ALG11: variants seen among roughly 807,000 people sequenced by gnomAD.
The protein encoded by ALG11 is ALG11 alpha-1,2-mannosyltransferase, also known as GDP-Man:Man(3)GlcNAc(2)-PP-Dol alpha-1,2-mannosyltransferase.
Under a neutral mutation model 38.8 loss-of-function variants are expected in ALG11, and 26 were observed. The observed-to-expected ratio is 0.67, with a 90% CI of 0.49 to 0.93. The LOEUF is 0.93. ALG11 is among the 40% of genes least tolerant of loss of function. The probability of loss-of-function intolerance (pLI) is 0.00; values close to 1 mark genes in which losing one functional copy is unlikely to be tolerated. For synonymous variants in ALG11, 199 were observed against 211.6 expected (o/e 0.94, Z 0.52); for missense variants, 535 against 578.8 (o/e 0.92, Z 0.78).
At position 52,030,164 on chromosome 13, in the gene ALG11, G is replaced by T. The variant is rs765281662; in HGVS notation, c.*1574G>T. 1 of 1,614,238 alleles carries T rather than the reference G, an allele frequency of 6.2e-7. No individual in the cohort carries two copies. The highest frequency in any genetic ancestry group is 1.7e-5 in the Admixed American group (1 of 60,020). The stretch of plus-strand genomic sequence containing the variant: ...AACAAAAGATTCTAGCAGCCAGGAG[G>T]TGCTGTCCGAATTGAGGGCACTATC... On this transcript the variant is annotated 3_prime_UTR_variant, in exon 4 of 4. Transcript: ENST00000521508.
Position 52,030,500 on chromosome 13 carries a change from C to T in ALG11, c.*1910C>T, listed in dbSNP as rs1455177536. The T allele has an allele frequency of 6.2e-7, 1 of 1,614,232 alleles. No homozygotes were observed. Among genetic ancestry groups the T allele is most frequent in the Non-Finnish European group, 8.5e-7 (1 of 1,180,040 alleles). On this transcript the variant is annotated 3_prime_UTR_variant, in exon 4 of 4. Coordinates refer to ENST00000521508, the MANE Select transcript of ALG11 (RefSeq NM_001004127.3). ...CAACCTACAGAACTTCCTGACCACACAGTCTCCTTCCGTGAGGTCTTTGGC... is the reference window on the plus strand; with the variant it reads ...CAACCTACAGAACTTCCTGACCACATAGTCTCCTTCCGTGAGGTCTTTGGC...
rs1431111423 is a variant in ALG11 at position 52,024,238 on chromosome 13, G to A, written c.508G>A (p.Asp170Asn). ...GGAAGCTCTAATGCAGTGTGTTCCT[G>A]ATGTTTACATTGATTCAATGGGATA... ...GWEALMQCVP[D>N]VYIDSMGYAF... The change falls in exon 3 of 4, where the codon GAT becomes AAT. Residue 170 changes from aspartate to asparagine, a missense_variant. Coordinates refer to ENST00000521508, the MANE Select transcript of ALG11 (RefSeq NM_001004127.3). The A allele has an allele frequency of 6.2e-7, 1 of 1,614,006 alleles. No individual in the cohort carries two copies. Among genetic ancestry groups the A allele is most frequent in the Non-Finnish European group, 8.5e-7 (1 of 1,180,026 alleles).
Position 52,029,097 on chromosome 13 carries a change from C to G in ALG11, c.*507C>G. On this transcript the variant is annotated 3_prime_UTR_variant, in exon 4 of 4. Coordinates refer to ENST00000521508, the MANE Select transcript of ALG11 (RefSeq NM_001004127.3). ...CTTGAGCCCGTTAAAACTTCATCTT[C>G]TTTGGCCACTGTAAAAAAGCAACTG... The G allele has an allele frequency of 6.2e-7, 1 of 1,614,222 alleles. No homozygotes were observed.
Position 52,033,506 on chromosome 13 carries a change from A to G in ALG11, c.*4916A>G, listed in dbSNP as rs1339318722. On this transcript the variant is annotated 3_prime_UTR_variant, in exon 4 of 4. Coordinates refer to ENST00000521508, the MANE Select transcript of ALG11 (RefSeq NM_001004127.3). ...GTGTGGTGCCTTTTATATGCCTCAC[A>G]TAGTCTCCTTGTTCTCCTACTAATA... 1 of 167,092 alleles carries G rather than the reference A, an allele frequency of 6.0e-6. No individual in the cohort carries two copies. Among genetic ancestry groups the G allele is most frequent in the Non-Finnish European group, 1.5e-5 (1 of 68,118 alleles). The allele number at this position is 167,092 out of a possible 1,614,324, so 10.4% of individuals were successfully genotyped here.
chr13:52,025,354 C>T lies in ALG11; in HGVS notation c.1207+417C>T, dbSNP rs530261553. 1.1e-4 allele frequency among the ~76,000 whole-genome samples: 16 copies of T among 152,318 alleles called. 1 individual carries two copies. In the South Asian group the frequency reaches 2.9e-3, roughly 28 times the overall value. On this transcript the variant is annotated intron_variant, in intron 3 of 3. Coordinates refer to ENST00000521508, the MANE Select transcript of ALG11 (RefSeq NM_001004127.3). The stretch of plus-strand genomic sequence containing the variant: ...TAACAGCAACATTTTCTCTCTCCAT[C>T]TAACCCCACTACATACTTACTGGTA...
rs757754000 is a variant in ALG11 at position 52,030,652 on chromosome 13, G to A, written c.*2062G>A. 1 of 1,614,114 alleles carries A rather than the reference G, an allele frequency of 6.2e-7. No homozygotes were observed. Among genetic ancestry groups the A allele is most frequent in the Non-Finnish European group, 8.5e-7 (1 of 1,180,052 alleles). Reference sequence around the variant, plus strand: ...TGAAAGAGAAGAGGGAAGCTGTGGAGGCGAGTAAGCCAAAGGACGTGGACC... The same window carrying A: ...TGAAAGAGAAGAGGGAAGCTGTGGAAGCGAGTAAGCCAAAGGACGTGGACC... On this transcript the variant is annotated 3_prime_UTR_variant, in exon 4 of 4. Coordinates refer to ENST00000521508, the MANE Select transcript of ALG11 (RefSeq NM_001004127.3).
chr13:52,013,621 A>G (rs1002690095), intron 1 of ALG11, among the ~76,000 whole-genome samples: 1 of 152,172 alleles, frequency 6.6e-6, no homozygotes, highest in African/African-American at 2.4e-5. Flanking sequence ...TGCCAGAAAA[A>G]CCTTTACATT....
chr13:52,031,086 A>G lies in ALG11; in HGVS notation c.*2496A>G. 1 of 1,611,620 alleles carries G rather than the reference A, an allele frequency of 6.2e-7. No homozygotes were observed. The highest frequency in any genetic ancestry group is 8.5e-7 in the Non-Finnish European group (1 of 1,178,750). ...CCAAAACGAATCACCACACGTCACA[A>G]TAAAGAAGAAAAACTGTAGGTTGTG... On this transcript the variant is annotated 3_prime_UTR_variant, in exon 4 of 4. Transcript: ENST00000521508.
At chr13:52,015,347 A>G (rs961379162) in intron 1 of ALG11, among the ~76,000 whole-genome samples, 1 of 152,200 alleles carries the variant, frequency 6.6e-6, no homozygotes, top group Non-Finnish European at 1.5e-5. Context: ...TTGGGGCTGC[A>G]GTGATTGCTA....
intron 2 of ALG11, chr13:52,022,943 G>GT (rs1482480702): frequency 6.6e-6 from 1 of 152,192 alleles, no homozygotes; most frequent in Non-Finnish European, 1.5e-5. Context: ...GATTACAGGC[G>GT]TGAGCCACTG....
rs1954309960 is a variant in ALG11 at position 52,031,902 on chromosome 13, A to C, written c.*3312A>C. The stretch of plus-strand genomic sequence containing the variant: ...ACCTTTTAGAGTTGGAATGAGATGG[A>C]AAGTAGATGAAACTACTTTGAAAAT... On this transcript the variant is annotated 3_prime_UTR_variant, in exon 4 of 4. Coordinates refer to ENST00000521508, the MANE Select transcript of ALG11 (RefSeq NM_001004127.3). 6.0e-6 allele frequency: 1 copy of C among 167,068 alleles called. No homozygotes were observed. Among genetic ancestry groups the C allele is most frequent in the African/African-American group, 2.4e-5 (1 of 41,438 alleles). The allele number at this position is 167,068 out of a possible 1,614,324, so 10.3% of individuals were successfully genotyped here. A position where few individuals can be genotyped will look rare whatever the true frequency, so the allele number is the denominator to read the frequency against.
chr13:52,019,478 T>C (rs370244623), intron 2 of ALG11, among the ~76,000 whole-genome samples: 28 of 152,268 alleles, frequency 1.8e-4, no homozygotes, highest in East Asian at 5.8e-4. Context: ...ACCTCGGCCT[T>C]CCAAAGTGTT....
intron 1 of ALG11, among the ~76,000 whole-genome samples, chr13:52,014,646 C>T (rs1048992865): frequency 3.3e-5 from 5 of 151,934 alleles, no homozygotes; most frequent in African/African-American, 1.2e-4. Context: ...GCAATCCTCC[C>T]ACCTCAGCCT....
chr13:52,029,140 G>C lies in ALG11; in HGVS notation c.*550G>C, dbSNP rs752620528. ...AGCAACTGAATAGAGTCAAATCAAAGAAGGTGGTGGAGTTACCTCTTAACA... is the reference window on the plus strand; with the variant it reads ...AGCAACTGAATAGAGTCAAATCAAACAAGGTGGTGGAGTTACCTCTTAACA... On this transcript the variant is annotated 3_prime_UTR_variant, in exon 4 of 4. Transcript: ENST00000521508. The C allele has an allele frequency of 1.5e-5, 25 of 1,614,104 alleles. No individual in the cohort carries two copies. The highest frequency in any genetic ancestry group is 1.9e-5 in the Non-Finnish European group (23 of 1,180,044).
Position 52,030,155 on chromosome 13 carries a change from A to G in ALG11, c.*1565A>G. 1 of 1,614,236 alleles carries G rather than the reference A, an allele frequency of 6.2e-7. No individual in the cohort carries two copies. The highest frequency in any genetic ancestry group is 8.5e-7 in the Non-Finnish European group (1 of 1,180,042). On this transcript the variant is annotated 3_prime_UTR_variant, in exon 4 of 4. Coordinates refer to ENST00000521508, the MANE Select transcript of ALG11 (RefSeq NM_001004127.3). ...CAGTCAAGAAACAAAAGATTCTAGC[A>G]GCCAGGAGGTGCTGTCCGAATTGAG...
chr13:52,026,098 G>A (rs557867932), intron 3 of ALG11, among the ~76,000 whole-genome samples: 12 of 152,354 alleles, frequency 7.9e-5, no homozygotes, highest in East Asian at 3.9e-4. Context: ...GTGCTGTGCC[G>A]TGTGCCAGGT....
chr13:52,026,398 A>G (rs111933506), intron 3 of ALG11, among the ~76,000 whole-genome samples: 3 of 152,344 alleles, frequency 2.0e-5, no homozygotes, highest in African/African-American at 7.2e-5. Context: ...TATTGCACGT[A>G]AAAGCTTTCT....
chr13:52,032,882 A>AGAT lies in ALG11; in HGVS notation c.*4293_*4295dup, dbSNP rs1289058182. ...ACAAAGCTGTTTCATGAAAGAATCAAGATTATAACCTGGATATTCTGACTC... is the reference window on the plus strand; with the variant it reads ...ACAAAGCTGTTTCATGAAAGAATCAAGATGATTATAACCTGGATATTCTGACTC... On this transcript the variant is annotated 3_prime_UTR_variant, in exon 4 of 4. Coordinates refer to ENST00000521508, the MANE Select transcript of ALG11 (RefSeq NM_001004127.3). 3 of 167,094 alleles carry AGAT rather than the reference A, an allele frequency of 1.8e-5. No homozygotes were observed. Among genetic ancestry groups the AGAT allele is most frequent in the African/African-American group, 7.2e-5 (3 of 41,448 alleles). The allele number at this position is 167,094 out of a possible 1,614,324, so 10.4% of individuals were successfully genotyped here.
chr13:52,021,950 T>C (rs1182886649), intron 2 of ALG11: 2 of 152,186 alleles, frequency 1.3e-5, no homozygotes, highest in Non-Finnish European at 2.9e-5. Flanking sequence ...TTAGAGTCTA[T>C]GTTGGGAAAC....
Sources: allele counts gnomAD v4.1 joint callset (sites outside exome capture counted in the v4.1 genomes callset), GRCh38; gene constraint gnomAD v4.1.1; transcripts MANE v1.5; gene names NCBI Gene and HGNC (gene_info 2026-07-23, HGNC 2026-07-21).